The following NUBP2 variants were observed in gnomAD, a reference collection of about 807,000 sequenced individuals.
NUBP2 encodes NUBP iron-sulfur cluster assembly factor 2, cytosolic, also known as cytosolic Fe-S cluster assembly factor NUBP2.
In NUBP2, 23 loss-of-function variants were observed where a neutral mutation model predicts 24.9. That is an observed-to-expected ratio of 0.92 (90% CI 0.66 to 1.31). The LOEUF is 1.31. Ranked by LOEUF, NUBP2 falls within the 50% of genes most tolerant of loss-of-function variation. The pLI, the probability that NUBP2 is intolerant of heterozygous loss-of-function variation, is 0.00. For missense variants in NUBP2, 403 were observed against 386.5 expected (o/e 1.04, Z -0.36); for synonymous variants, 186 against 170.9 (o/e 1.09, Z -0.69).
intron 3 of NUBP2, chr16:1,787,170 G>A (rs1435717094): frequency 2.2e-5 from 11 of 506,950 alleles, no homozygotes; most frequent in Middle Eastern, 1.0e-3. Flanking sequence ...AGAGGGAGTG[G>A]GGTCTGCTGA....
chr16:1,783,412 TCA>T, intron 1 of NUBP2: 1 of 1,032,652 alleles, frequency 9.7e-7, no homozygotes, highest in Non-Finnish European at 1.2e-6. Flanking sequence ...TCTAAATAAA[TCA>T]CACGCGCGCA....
intron 3 of NUBP2, chr16:1,787,322 G>A: frequency 2.4e-6 from 1 of 424,188 alleles, no homozygotes; most frequent in South Asian, 3.9e-5. Flanking sequence ...GTGAGGCGCA[G>A]GCTGTGGGTG....
intron 6 of NUBP2, 110 bp from the exon 7 acceptor site, chr16:1,788,459 A>T (rs1012642566): frequency 2.9e-5 from 41 of 1,394,622 alleles, no homozygotes; most frequent in Non-Finnish European, 3.7e-5. Context: ...ATCGTCTGGC[A>T]GCGCCTCAAT....
intron 1 of NUBP2, chr16:1,785,371 C>A: frequency 8.6e-7 from 1 of 1,159,118 alleles, no homozygotes; most frequent in Non-Finnish European, 1.1e-6. Context: ...GGTGCTCAGC[C>A]CAACACACCA....
Position 1,786,861 on chromosome 16 carries a change from C to G in NUBP2, c.240C>G (p.Phe80Leu). Residue 80 changes from phenylalanine (F) to leucine (L), a missense_variant, in exon 3 of 7, where the codon TTC becomes TTG. Transcript: ENST00000262302. ...HQCDRGWAPV[F>L]LDREQSISLM... ...GCGACCGCGGCTGGGCACCCGTCTT[C>G]CTGGACCGGGAGCAGAGCATCTCGC... 2 of 1,592,430 alleles carry G rather than the reference C, an allele frequency of 1.3e-6. No individual in the cohort carries two copies. The highest frequency in any genetic ancestry group is 1.3e-5 in the African/African-American group (1 of 74,632).
In NUBP2 at chr16:1,785,260, C is replaced by T. The variant is rs1194052480; in HGVS notation, c.17-1277C>T. 2.9e-6 allele frequency: 3 copies of T among 1,025,866 alleles called. No homozygotes were observed. The African/African-American group carries it at 5.1e-5, about 18-fold the overall frequency. 63.5% of individuals were successfully genotyped at this position (1,025,866 alleles called of 1,614,324 possible). Reference sequence around the variant, plus strand: ...ATGCTGACTGTGCTTTGCTGACAATCTGCTTAGGAGCTGCCTCAGTTTGCT... The same window carrying T: ...ATGCTGACTGTGCTTTGCTGACAATTTGCTTAGGAGCTGCCTCAGTTTGCT... On this transcript the variant is annotated intron_variant, in intron 1 of 6. Transcript: ENST00000262302.
intron 1 of NUBP2, chr16:1,785,644 TG>T: frequency 7.8e-7 from 1 of 1,288,248 alleles, no homozygotes; most frequent in Non-Finnish European, 1.0e-6. Flanking sequence ...TGCAGGAGTG[TG>T]GGGCTGGGGC....
chr16:1,788,186 C>A lies in NUBP2; in HGVS notation c.649C>A (p.Leu217Ile). The A allele has an allele frequency of 1.3e-6, 2 of 1,510,572 alleles. No homozygotes were observed. The highest frequency in any genetic ancestry group is 1.8e-6 in the Non-Finnish European group (2 of 1,132,992). 93.6% of individuals were successfully genotyped at this position (1,510,572 alleles called of 1,614,324 possible). The change falls in exon 6 of 7, where the codon CTC becomes ATC. Residue 217 changes from leucine (L) to isoleucine (I), a missense_variant. By Grantham distance (5) the Leu-to-Ile change is conservative. Transcript: ENST00000262302. ...GGGCGGCGGAGAGGAGCTGGCCCAG[C>A]TCGCCGGGGTGCCCTTCTTAGGTGA... is the stretch of plus-strand genomic sequence containing the variant. ...SRGGGEELAQ[L>I]AGVPFLGSVP...
intron 3 of NUBP2, 74 bp downstream of exon 3, chr16:1,787,029 G>A (rs932526907): frequency 8.1e-6 from 11 of 1,366,320 alleles, no homozygotes; most frequent in Non-Finnish European, 9.7e-6. Context: ...CTGTGGAAAT[G>A]TTCCTCTTCA....
At chr16:1,786,499 C>A in intron 1 of NUBP2, 38 bp from the exon 2 acceptor site, 2 of 1,540,580 alleles carry the variant, frequency 1.3e-6, no homozygotes, top group Non-Finnish European at 1.8e-6. Context: ...ACAGTGGGCA[C>A]CAGGAGCCCT....
chr16:1,787,617 G>A (rs1395660129), intron 3 of NUBP2, 60 bp from the exon 4 acceptor site: 50 of 1,583,944 alleles, frequency 3.2e-5, no homozygotes, highest in East Asian at 6.8e-5. Context: ...TCTTAGTGGC[G>A]CAGGGCCACG....
At chr16:1,787,892 TC>T in intron 4 of NUBP2, 48 bp from the exon 5 acceptor site, 7 of 1,600,794 alleles carry the variant, frequency 4.4e-6, no homozygotes, top group Non-Finnish European at 6.0e-6. Flanking sequence ...TGGGCGGGTG[TC>T]CCTGCTGGTG....
In NUBP2 at chr16:1,788,696, GC is replaced by G; in HGVS notation, c.801del (p.Ala268ArgfsTer6). On this transcript the variant is annotated frameshift_variant, in exon 7 of 7. Transcript: ENST00000262302. LOFTEE classifies it high-confidence loss of function. ...SIAQKILDAT[P>X]ACLP ...TAGCCCAGAAGATTCTGGACGCGACGCCCGCGTGCCTCCCCTGACTAAGGCC... is the reference window on the plus strand; with the variant it reads ...TAGCCCAGAAGATTCTGGACGCGACGCCGCGTGCCTCCCCTGACTAAGGCC... 3 of 1,611,298 alleles carry G rather than the reference GC, an allele frequency of 1.9e-6. No individual in the cohort carries two copies. Among genetic ancestry groups the G allele is most frequent in the Non-Finnish European group, 2.5e-6 (3 of 1,179,180 alleles).
Position 1,788,591 on chromosome 16 carries a change from G to C in NUBP2, c.693G>C (p.Ala231=), listed in dbSNP as rs746698341. 1.2e-6 allele frequency: 2 copies of C among 1,608,224 alleles called. No homozygotes were observed. Among genetic ancestry groups the C allele is most frequent in the Non-Finnish European group, 1.7e-6 (2 of 1,178,990 alleles). ...PFLGSVPLDP[A]LMRTLEEGHD... ...CAGGCTCCGTGCCCCTGGACCCTGC[G>C]CTCATGAGGACCCTGGAGGAGGGCC... The change falls in exon 7 of 7, where the codon GCG becomes GCC. Residue 231 remains alanine (A), a synonymous_variant. Transcript: ENST00000262302.
intron 1 of NUBP2, 144 bp downstream of exon 1, chr16:1,783,180 G>A: frequency 8.5e-7 from 1 of 1,180,392 alleles, no homozygotes; most frequent in African/African-American, 1.6e-5. Context: ...CAGAGGCCGC[G>A]GCGCGGGCAT....
rs1897086479 is a variant in NUBP2, at chr16:1,788,290, G to A, written c.670+83G>A. On this transcript the variant is annotated intron_variant, in intron 6 of 6. Transcript: ENST00000262302. ...CGGGTTTGACCTCCATGCCCCCAGT[G>A]CCCAAGGGAGAGGAGGGGACGGGAG... The A allele has an allele frequency of 3.0e-6, 4 of 1,311,550 alleles. No homozygotes were observed. In the Admixed American group the frequency reaches 1.2e-4, roughly 40 times the overall value. The allele number at this position is 1,311,550 out of a possible 1,614,324, so 81.2% of individuals were successfully genotyped here. A position where few individuals can be genotyped will look rare whatever the true frequency, so the allele number is the denominator to read the frequency against.
intron 3 of NUBP2, 197 bp from the exon 4 acceptor site, chr16:1,787,480 C>T (rs867543090): frequency 3.7e-5 from 26 of 697,772 alleles, no homozygotes; most frequent in Admixed American, 1.1e-4. Flanking sequence ...CAGAAAGGGA[C>T]GCTGTAATGG....
chr16:1,788,175 A>G lies in NUBP2; in HGVS notation c.638A>G (p.Glu213Gly). 6.6e-7 allele frequency: 1 copy of G among 1,523,014 alleles called. No homozygotes were observed. The allele number at this position is 1,523,014 out of a possible 1,614,324, so 94.3% of individuals were successfully genotyped here. A position where few individuals can be genotyped will look rare whatever the true frequency, so the allele number is the denominator to read the frequency against. The change falls in exon 6 of 7, where the codon GAG becomes GGG. Residue 213 changes from glutamate to glycine, a missense_variant. Coordinates refer to ENST00000262302, the MANE Select transcript of NUBP2 (RefSeq NM_012225.4). The part of the protein sequence containing the change: ...TSVFSRGGGE[E>G]LAQLAGVPFL... ...GTCTTCTCCAGGGGCGGCGGAGAGG[A>G]GCTGGCCCAGCTCGCCGGGGTGCCC...
chr16:1,787,512 C>T (rs1294184975), intron 3 of NUBP2, 165 bp from the exon 4 acceptor site: 1 of 909,136 alleles, frequency 1.1e-6, no homozygotes, highest in Non-Finnish European at 1.7e-6. Flanking sequence ...TCTTTGCACT[C>T]CTGCAGCGGG....
Sources: allele counts gnomAD v4.1 joint callset, GRCh38; gene constraint gnomAD v4.1.1; transcripts MANE v1.5; gene names NCBI Gene and HGNC (gene_info 2026-07-23, HGNC 2026-07-21).